SPOP: variants seen among roughly 807,000 people sequenced by gnomAD.
SPOP encodes speckle-type POZ protein.
Under a neutral mutation model 45.6 loss-of-function variants are expected in SPOP, and 11 were observed. The observed-to-expected ratio is 0.24, with a 90% CI of 0.15 to 0.40. The LOEUF is 0.40. Ranked by LOEUF, SPOP falls within the 10% of genes least tolerant of loss-of-function variation. The pLI is 1.00. For missense variants in SPOP, 152 were observed against 465.6 expected, an observed-to-expected ratio of 0.33 and a Z score of 6.20; for synonymous variants, 166 against 166.3, an observed-to-expected ratio of 1.00 and a Z score of 0.01.
chr17:49,643,640 C>A (rs2072699834), intron 1 of SPOP, among the ~76,000 whole-genome samples: 3 of 152,112 alleles, frequency 2.0e-5, no homozygotes, highest in African/African-American at 7.2e-5. Context: ...AGAAAATATT[C>A]TAGAAGAAGG....
rs1428827976 is a variant in SPOP at position 49,617,298 on chromosome 17, G to A, written c.480+1683C>T. On this transcript the variant is annotated intron_variant, in intron 5 of 9. Transcript: ENST00000504102. The stretch of plus-strand genomic sequence containing the variant: ...GTTTTTCTGAAATGCAAGTCTGTAA[G>A]ATAGGTGAAGATTCAAACTGTGATC... Among the ~76,000 whole-genome samples the A allele has an allele frequency of 3.3e-5, 5 of 152,344 alleles. No homozygotes were observed. In the East Asian group the frequency reaches 7.7e-4, roughly 23 times the overall value.
At chr17:49,677,294 G>T (rs1221348265) in intron 1 of SPOP, among the ~76,000 whole-genome samples, 3 of 152,192 alleles carry the variant, frequency 2.0e-5, no homozygotes, top group African/African-American at 7.2e-5. Context: ...AGTAATCCTA[G>T]AACTAGAAGA....
At chr17:49,608,785 G>A (rs1213379646) in intron 6 of SPOP, among the ~76,000 whole-genome samples, 1 of 152,158 alleles carries the variant, frequency 6.6e-6, no homozygotes, top group Non-Finnish European at 1.5e-5. Context: ...GAGATCCAAC[G>A]ATTACCTAAG....
At chr17:49,635,632 C>CTCCTTT (rs1555577958) in intron 1 of SPOP, among the ~76,000 whole-genome samples, 7 of 121,654 alleles carry the variant, frequency 5.8e-5, no homozygotes, top group African/African-American at 2.1e-4. Flanking sequence ...AGGTATCTCT[C>CTCCTTT]TTTTTTTTTT....
At chr17:49,633,096 T>C (rs1202365919) in intron 1 of SPOP, among the ~76,000 whole-genome samples, 1 of 152,226 alleles carries the variant, frequency 6.6e-6, no homozygotes, top group East Asian at 1.9e-4. Context: ...ACAAGCATAG[T>C]ATTATGTGTT....
At chr17:49,615,329 G>T (rs992137016) in intron 5 of SPOP, among the ~76,000 whole-genome samples, 2 of 152,160 alleles carry the variant, frequency 1.3e-5, no homozygotes, top group African/African-American at 4.8e-5. Flanking sequence ...ATATGGTAAA[G>T]TTGGAATACA....
At chr17:49,633,047 A>C (rs1567786399) in intron 1 of SPOP, among the ~76,000 whole-genome samples, 1 of 152,238 alleles carries the variant, frequency 6.6e-6, no homozygotes, top group Non-Finnish European at 1.5e-5. Context: ...TTAAGAGCTG[A>C]ACTACTTTGT....
At chr17:49,633,331 T>C (rs1057510551) in intron 1 of SPOP, among the ~76,000 whole-genome samples, 9 of 152,064 alleles carry the variant, frequency 5.9e-5, no homozygotes, top group Non-Finnish European at 1.3e-4. Context: ...GACTCTCAAG[T>C]CACTAAACCC....
chr17:49,640,052 C>T (rs1205871459), intron 1 of SPOP, among the ~76,000 whole-genome samples: 1 of 151,968 alleles, frequency 6.6e-6, no homozygotes, highest in Non-Finnish European at 1.5e-5. Flanking sequence ...GAGTTCAAGA[C>T]CAGCCTGGCC....
rs117012558 is a variant in SPOP, at chr17:49,664,730, C to T, written c.-67+13203G>A. 7.2e-5 allele frequency among the ~76,000 whole-genome samples: 11 copies of T among 152,214 alleles called. No homozygotes were observed. The East Asian group carries it at 1.2e-3, about 16-fold the overall frequency. ...TTGAACCTGGGGCAGGTATCTGGCC[C>T]GGAGGAAAATCAACCTTTCAACTGA... On this transcript the variant is annotated intron_variant, in intron 1 of 9. Coordinates refer to ENST00000504102, the MANE Select transcript of SPOP (RefSeq NM_001007228.2).
intron 1 of SPOP, among the ~76,000 whole-genome samples, chr17:49,658,914 C>T (rs2072950537): frequency 1.3e-5 from 2 of 152,202 alleles, no homozygotes; most frequent in Admixed American, 6.5e-5. Flanking sequence ...CAACTTTCTC[C>T]ACTTCCCAGA....
intron 7 of SPOP, among the ~76,000 whole-genome samples, chr17:49,607,671 T>A (rs2071880303): frequency 6.6e-6 from 1 of 152,176 alleles, no homozygotes; most frequent in South Asian, 2.1e-4. Context: ...ACTGTGTGGA[T>A]GATCAGCCTC....
intron 1 of SPOP, among the ~76,000 whole-genome samples, chr17:49,665,926 G>A (rs978738435): frequency 1.3e-5 from 2 of 150,544 alleles, no homozygotes; most frequent in Admixed American, 1.3e-4. Context: ...GGAGGTTGCA[G>A]TGAGATAGCG....
chr17:49,607,005 T>C lies in SPOP; in HGVS notation c.837+245A>G. ...ATGGAAAAAAGAGGAGAGGTAGAAG[T>C]CAAACTTATCCTTCTTTCCCATAGT... On this transcript the variant is annotated intron_variant, in intron 8 of 9. Transcript: ENST00000504102. 7 of 400,846 alleles carry C rather than the reference T, an allele frequency of 1.7e-5. 1 individual carries two copies. The South Asian group carries it at 4.0e-4, about 23-fold the overall frequency. 24.8% of individuals were successfully genotyped at this position (400,846 alleles called of 1,614,324 possible).
intron 1 of SPOP, among the ~76,000 whole-genome samples, chr17:49,627,970 G>A (rs1456055076): frequency 6.6e-6 from 1 of 152,180 alleles, no homozygotes; most frequent in Non-Finnish European, 1.5e-5. Flanking sequence ...CAGGAACCAT[G>A]GGCAAAGTGT....
Position 49,600,797 on chromosome 17 carries a change from T to G in SPOP, c.981-275A>C. 5.3e-6 allele frequency: 2 copies of G among 375,544 alleles called. No homozygotes were observed. The highest frequency in any genetic ancestry group is 3.8e-5 in the Admixed American group (1 of 26,170). 23.3% of individuals were successfully genotyped at this position (375,544 alleles called of 1,614,324 possible). ...CCCCAGGCCCCCAACACTGCCTATGTTCCTTATATTCACCGGTGATGCTAG... is the reference window on the plus strand; with the variant it reads ...CCCCAGGCCCCCAACACTGCCTATGGTCCTTATATTCACCGGTGATGCTAG... On this transcript the variant is annotated intron_variant, in intron 9 of 9. Coordinates refer to ENST00000504102, the MANE Select transcript of SPOP (RefSeq NM_001007228.2). This position sits in a 1 kb window ranked among gnomAD's most constrained non-coding sequence, Gnocchi z 4.2.
At chr17:49,676,534 A>G (rs552743972) in intron 1 of SPOP, among the ~76,000 whole-genome samples, 6 of 152,348 alleles carry the variant, frequency 3.9e-5, no homozygotes, top group African/African-American at 1.4e-4. Context: ...ACATCAAAGA[A>G]TACAAACTAA....
chr17:49,636,944 A>C (rs1242551927), intron 1 of SPOP: 1 of 152,210 alleles, frequency 6.6e-6, no homozygotes, highest in Non-Finnish European at 1.5e-5. Context: ...AATGACTAGT[A>C]AAAATTTACT....
In SPOP at chr17:49,678,014, C is replaced by A; in HGVS notation, c.-148G>T. The A allele has an allele frequency of 2.5e-6, 1 of 399,466 alleles. No homozygotes were observed. The highest frequency in any genetic ancestry group is 4.4e-6 in the Non-Finnish European group (1 of 226,566). The allele number at this position is 399,466 out of a possible 1,614,324, so 24.7% of individuals were successfully genotyped here. On this transcript the variant is annotated 5_prime_UTR_variant, in exon 1 of 10. Transcript: ENST00000504102. ...TCCGCAACATCCGGGACCTGCGGGA[C>A]CGCCGATACACAAATACACACACAC...
Sources: allele counts gnomAD v4.1 joint callset (sites outside exome capture counted in the v4.1 genomes callset), GRCh38; gene constraint gnomAD v4.1.1; non-coding constraint Gnocchi (gnomAD v3.1); transcripts MANE v1.5; gene names NCBI Gene and HGNC (gene_info 2026-07-23, HGNC 2026-07-21).